Variants in BACH2 observed in about 807,000 individuals in gnomAD.
The protein encoded by BACH2 is BACH transcriptional regulator 2.
BACH2 carries 5 observed loss-of-function variants against 61.8 expected under a neutral mutation model. The observed-to-expected ratio is 0.08, with a 90% CI of 0.04 to 0.17. BACH2 has a LOEUF of 0.17. BACH2 is among the 10% of genes least tolerant of loss of function. The pLI is 1.00. For synonymous variants in BACH2, 446 were observed against 440.1 expected (o/e 1.01, Z -0.17); for missense variants, 824 against 1,091.1 (o/e 0.76, Z 3.45).
At chr6:90,170,041 C>T (rs1767759590) in intron 4 of BACH2, among the ~76,000 whole-genome samples, 1 of 152,088 alleles carries the variant, frequency 6.6e-6, no homozygotes, top group Non-Finnish European at 1.5e-5. Context: ...CATTTACTTT[C>T]TTACTAAACA....
chr6:90,282,916 T>C (rs1033344621), intron 1 of BACH2, among the ~76,000 whole-genome samples: 2 of 152,258 alleles, frequency 1.3e-5, no homozygotes, highest in South Asian at 2.1e-4. Flanking sequence ...CAGGTTGAAC[T>C]TGGTTAGGTA....
At chr6:90,014,814 T>C (rs1777969361) in intron 5 of BACH2, among the ~76,000 whole-genome samples, 1 of 151,850 alleles carries the variant, frequency 6.6e-6, no homozygotes. Context: ...TGTCTCACTT[T>C]GTTGCCCTGG....
At position 89,950,582 on chromosome 6, in the gene BACH2, A is replaced by C; in HGVS notation, c.1524T>G (p.Pro508=). Reference sequence around the variant, plus strand: ...TCCTGGTCTCCAAGGGGGGTGAGCGAGGGCAGACTTTGATTGGTACCGGGC... The same window carrying C: ...TCCTGGTCTCCAAGGGGGGTGAGCGCGGGCAGACTTTGATTGGTACCGGGC... The part of the protein sequence containing the change: ...TSCPVPIKVC[P]RSPPLETRTR... The change falls in exon 7 of 9, where the codon CCT becomes CCG. Residue 508 remains proline, a synonymous_variant. Coordinates refer to ENST00000257749, the MANE Select transcript of BACH2 (RefSeq NM_021813.4). The surrounding 1 kb of genome is among the most constrained non-coding windows in gnomAD (Gnocchi z 5.3). 1 of 1,611,776 alleles carries C rather than the reference A, an allele frequency of 6.2e-7. No homozygotes were observed. Among genetic ancestry groups the C allele is most frequent in the Non-Finnish European group, 8.5e-7 (1 of 1,178,392 alleles).
intron 3 of BACH2, among the ~76,000 whole-genome samples, chr6:90,241,171 T>C (rs1216107586): frequency 4.0e-5 from 6 of 150,736 alleles, no homozygotes; most frequent in Admixed American, 4.0e-4. Flanking sequence ...AAATTATAGT[T>C]ATATGGTTTC....
intron 5 of BACH2, among the ~76,000 whole-genome samples, chr6:90,068,303 C>T (rs1781059050): frequency 6.6e-6 from 1 of 152,188 alleles, no homozygotes; most frequent in Admixed American, 6.5e-5. Context: ...TTTGTAAGCT[C>T]ATCTCAGGCA....
chr6:90,256,946 G>C (rs898452534), intron 2 of BACH2, among the ~76,000 whole-genome samples: 3 of 151,998 alleles, frequency 2.0e-5, no homozygotes, highest in African/African-American at 7.3e-5. Context: ...AATTTTTTTG[G>C]TTCCACATAT....
chr6:90,061,689 G>C (rs963380119), intron 5 of BACH2, among the ~76,000 whole-genome samples: 2 of 152,046 alleles, frequency 1.3e-5, no homozygotes, highest in African/African-American at 4.8e-5. Flanking sequence ...GGAGACAGCA[G>C]TGGTGATTGA....
intron 5 of BACH2, among the ~76,000 whole-genome samples, chr6:90,050,347 T>G (rs1023151326): frequency 6.6e-6 from 1 of 152,184 alleles, no homozygotes; most frequent in Non-Finnish European, 1.5e-5. Context: ...GCAACTAACT[T>G]TTAAGAAGTT....
chr6:90,181,416 G>A (rs577371321), intron 4 of BACH2, among the ~76,000 whole-genome samples: 2 of 151,804 alleles, frequency 1.3e-5, no homozygotes, highest in Admixed American at 6.6e-5. Context: ...AATGGGAGAA[G>A]GGAAAAGAGG....
chr6:90,197,397 T>C (rs796952960), intron 4 of BACH2, among the ~76,000 whole-genome samples: 21 of 152,334 alleles, frequency 1.4e-4, no homozygotes, highest in African/African-American at 5.1e-4. Context: ...ATTCTAGAGA[T>C]GGACAAACCA....
intron 4 of BACH2, among the ~76,000 whole-genome samples, chr6:90,149,166 G>A (rs546408357): frequency 2.0e-5 from 3 of 152,042 alleles, no homozygotes; most frequent in African/African-American, 7.3e-5. Flanking sequence ...GGTGATGCTG[G>A]GCTTGGGAAC....
intron 7 of BACH2, among the ~76,000 whole-genome samples, chr6:89,940,851 AG>A (rs1291575861): frequency 2.4e-5 from 2 of 83,120 alleles, no homozygotes; most frequent in African/African-American, 3.9e-5. Flanking sequence ...GATAGTTTAC[AG>A]TTTTTTTTTT....
At chr6:90,244,737 C>A (rs957544220) in intron 3 of BACH2, among the ~76,000 whole-genome samples, 1 of 152,326 alleles carries the variant, frequency 6.6e-6, no homozygotes, top group Middle Eastern at 3.4e-3. Flanking sequence ...CCATGTTTAC[C>A]TACTGCACTT....
chr6:90,281,234 T>C (rs1410758100), intron 1 of BACH2, among the ~76,000 whole-genome samples: 1 of 152,216 alleles, frequency 6.6e-6, no homozygotes, highest in Non-Finnish European at 1.5e-5. Flanking sequence ...GAGGAAATAA[T>C]ACCAAGCAAG....
At chr6:90,040,774 A>G (rs190724526) in intron 5 of BACH2, among the ~76,000 whole-genome samples, 2,076 of 152,032 alleles carry the variant, frequency 0.014, 27 homozygotes, top group Middle Eastern at 0.09. Flanking sequence ...ATTTATACAC[A>G]TTACATATAT....
intron 3 of BACH2, among the ~76,000 whole-genome samples, chr6:90,232,484 T>G (rs1770130633): frequency 6.6e-6 from 1 of 152,188 alleles, no homozygotes; most frequent in African/African-American, 2.4e-5. Flanking sequence ...GTCCAGTAGA[T>G]GAACAACAGG....
intron 6 of BACH2, among the ~76,000 whole-genome samples, chr6:90,002,134 G>A (rs1256734047): frequency 1.3e-5 from 2 of 152,086 alleles, no homozygotes; most frequent in East Asian, 1.9e-4. Flanking sequence ...TCTCCTCCTC[G>A]AAATGCTTTC....
intron 3 of BACH2, among the ~76,000 whole-genome samples, chr6:90,238,506 GA>G (rs1040159115): frequency 1.3e-4 from 20 of 152,172 alleles, no homozygotes; most frequent in African/African-American, 4.6e-4. Context: ...TATCTACAAA[GA>G]AAAAAACTCA....
At chr6:90,146,582 G>T (rs1784627723) in intron 4 of BACH2, among the ~76,000 whole-genome samples, 1 of 152,170 alleles carries the variant, frequency 6.6e-6, no homozygotes. Context: ...TTCTAAACCA[G>T]ATGATCACAC....
Sources: allele counts gnomAD v4.1 joint callset (sites outside exome capture counted in the v4.1 genomes callset), GRCh38; gene constraint gnomAD v4.1.1; non-coding constraint Gnocchi (gnomAD v3.1); transcripts MANE v1.5; gene names NCBI Gene and HGNC (gene_info 2026-07-23, HGNC 2026-07-21).